The following RBM19 variants were observed in gnomAD, a reference collection of about 807,000 sequenced individuals.
The protein encoded by RBM19 is RNA binding motif protein 19.
In RBM19, 94 loss-of-function variants were observed where a neutral mutation model predicts 116.8. The ratio of observed to expected loss-of-function variants is 0.80; its 90% CI spans 0.68 to 0.95. RBM19 has a LOEUF of 0.95. RBM19 is among the 40% of genes least tolerant of loss of function. The probability of loss-of-function intolerance (pLI) is 0.00; values close to 1 mark genes in which losing one functional copy is unlikely to be tolerated. For synonymous variants in RBM19, 475 were observed against 494.1 expected (o/e 0.96, Z 0.51); for missense variants, 1,161 against 1,220.7 (o/e 0.95, Z 0.73).
chr12:113,948,977 T>C lies in RBM19; in HGVS notation c.1132A>G (p.Lys378Glu). 1 of 1,614,206 alleles carries C rather than the reference T, an allele frequency of 6.2e-7. No homozygotes were observed. The highest frequency in any genetic ancestry group is 8.5e-7 in the Non-Finnish European group (1 of 1,180,028). The change falls in exon 10 of 24, where the codon AAG (lysine) becomes GAG (glutamate). Residue 378 changes from lysine (K) to glutamate (E), a missense_variant. Transcript: ENST00000261741. ...KNVPTTKGAPKNTTKSWQGRI... is the reference protein window; with the variant it reads ...KNVPTTKGAPENTTKSWQGRI... Reference sequence around the variant, plus strand: ...CCTTGCCAGGATTTGGTGGTATTCTTTGGTGCACCCTTGGTGGTGGGGACG... The same window carrying C: ...CCTTGCCAGGATTTGGTGGTATTCTCTGGTGCACCCTTGGTGGTGGGGACG...
chr12:113,941,552 C>CCCATCCATCCATCCATCCAT (rs1197172785), intron 14 of RBM19, among the ~76,000 whole-genome samples: 18 of 151,344 alleles, frequency 1.2e-4, no homozygotes, highest in African/African-American at 2.9e-4. Flanking sequence ...CATCTATCTA[C>CCCATCCATCCATCCATCCAT]CCATCCATCC....
intron 21 of RBM19, among the ~76,000 whole-genome samples, chr12:113,892,731 T>C (rs183139619): frequency 2.6e-5 from 4 of 152,316 alleles, no homozygotes; most frequent in African/African-American, 7.2e-5. Context: ...GAAATGGGTC[T>C]TGAGTTTGAA....
rs758124511 is a variant in RBM19, at chr12:113,958,005, G to A, written c.617C>T (p.Ser206Leu). 32 of 1,613,894 alleles carry A rather than the reference G, an allele frequency of 2.0e-5. No individual in the cohort carries two copies. The highest frequency in any genetic ancestry group is 2.5e-5 in the Non-Finnish European group (30 of 1,179,974). The change falls in exon 6 of 24, where the codon TCG (serine) becomes TTG (leucine). Residue 206 changes from serine (S) to leucine (L), a missense_variant. By Grantham distance (145) the Ser-to-Leu change is moderately radical (BLOSUM62 -2). Coordinates refer to ENST00000261741, the MANE Select transcript of RBM19 (RefSeq NM_016196.4). ...CTTGGATTTCAGGTAATCCATGTCC[G>A]ACAGCTCCTTCTGCACAGCTGCCTT... ...EPKAAVQKEL[S>L]DMDYLKSKMV...
At chr12:113,958,180 C>T in intron 5 of RBM19, 130 bp from the exon 6 acceptor site, 23 of 1,472,866 alleles carry the variant, frequency 1.6e-5, no homozygotes, top group Non-Finnish European at 2.1e-5. Flanking sequence ...GGCCCCTGTG[C>T]CCAGCATCCC....
At chr12:113,962,891 G>GACTGATAT (rs1872620021) in intron 1 of RBM19, among the ~76,000 whole-genome samples, 1 of 152,180 alleles carries the variant, frequency 6.6e-6, no homozygotes, top group African/African-American at 2.4e-5. Flanking sequence ...TGTCAGGTGT[G>GACTGATAT]ACTGATATGG....
intron 22 of RBM19, among the ~76,000 whole-genome samples, chr12:113,853,259 G>A (rs2135731681): frequency 6.6e-6 from 1 of 152,344 alleles, no homozygotes; most frequent in South Asian, 2.1e-4. Flanking sequence ...TACAATGAAA[G>A]CTGTGGTTGT....
intron 2 of RBM19, 53 bp from the exon 3 acceptor site, chr12:113,960,231 G>C: frequency 6.2e-7 from 1 of 1,610,164 alleles, no homozygotes; most frequent in Non-Finnish European, 8.5e-7. Context: ...CAGGCGTTGG[G>C]TGCTGCCCTT....
chr12:113,957,731 C>A, intron 6 of RBM19, 51 bp downstream of exon 6: 1 of 1,520,944 alleles, frequency 6.6e-7, no homozygotes, highest in Non-Finnish European at 8.8e-7. Flanking sequence ...GGACCACGGG[C>A]AAGCAGGAGA....
chr12:113,881,949 C>T (rs12579950), intron 21 of RBM19, among the ~76,000 whole-genome samples: 29,873 of 152,262 alleles, frequency 0.2, 3,002 homozygotes, highest in Middle Eastern at 0.23. Context: ...GGGGTGCACA[C>T]GCACCCTGAC....
chr12:113,929,851 GA>G (rs1275833293), intron 16 of RBM19, among the ~76,000 whole-genome samples: 1 of 152,182 alleles, frequency 6.6e-6, no homozygotes, highest in Non-Finnish European at 1.5e-5. Flanking sequence ...ATCTGTACCC[GA>G]AATCTCAGGC....
intron 21 of RBM19, among the ~76,000 whole-genome samples, chr12:113,895,829 T>A (rs1242605264): frequency 2.7e-5 from 4 of 150,142 alleles, no homozygotes; most frequent in Non-Finnish European, 5.9e-5. Flanking sequence ...ACTATATATC[T>A]ATTGGATTAT....
Position 113,955,116 on chromosome 12 carries a change from T to C in RBM19, c.921+15A>G. 6.2e-7 allele frequency: 1 copy of C among 1,613,396 alleles called. No homozygotes were observed. The highest frequency in any genetic ancestry group is 8.5e-7 in the Non-Finnish European group (1 of 1,179,588). ...TCCCGCAGGCTGCCGACCCTTGTCC[T>C]CAGTTAGCACATACCTCTGTGACAT... On this transcript the variant is annotated intron_variant, in intron 7 of 23. Transcript: ENST00000261741.
intron 21 of RBM19, among the ~76,000 whole-genome samples, chr12:113,868,111 C>T (rs575089220): frequency 2.0e-5 from 3 of 152,186 alleles, no homozygotes; most frequent in Non-Finnish European, 4.4e-5. Context: ...TACTCTTATG[C>T]GTCCTCAGTA....
chr12:113,925,616 C>T (rs1042303028), intron 17 of RBM19, among the ~76,000 whole-genome samples: 4 of 152,178 alleles, frequency 2.6e-5, no homozygotes, highest in African/African-American at 4.8e-5. Context: ...CTGGGAACTA[C>T]GGGCTCTTCC....
At chr12:113,891,966 G>C (rs931681583) in intron 21 of RBM19, among the ~76,000 whole-genome samples, 1 of 152,124 alleles carries the variant, frequency 6.6e-6, no homozygotes, top group Non-Finnish European at 1.5e-5. Context: ...CATTCTGCTT[G>C]TATGTGACAA....
intron 22 of RBM19, among the ~76,000 whole-genome samples, chr12:113,846,457 C>T (rs1876981026): frequency 6.6e-6 from 1 of 152,134 alleles, no homozygotes; most frequent in African/African-American, 2.4e-5. Flanking sequence ...TCAGTCAAGA[C>T]GAGGTCATAC....
intron 16 of RBM19, among the ~76,000 whole-genome samples, chr12:113,927,940 G>A (rs891990133): frequency 6.6e-6 from 1 of 152,190 alleles, no homozygotes; most frequent in African/African-American, 2.4e-5. Context: ...TCCGAAGAAC[G>A]TTTAATGACA....
intron 9 of RBM19, 133 bp downstream of exon 9, chr12:113,949,950 G>T: frequency 1.2e-6 from 1 of 815,212 alleles, no homozygotes; most frequent in Non-Finnish European, 2.0e-6. Context: ...TGTCCCCAGT[G>T]CCTAGAACAG....
chr12:113,959,279 G>C lies in RBM19; in HGVS notation c.504C>G (p.Asp168Glu). The change falls in exon 5 of 24, where the codon GAC (aspartate) becomes GAG (glutamate). Residue 168 changes from aspartate (D) to glutamate (E), a missense_variant. Coordinates refer to ENST00000261741, the MANE Select transcript of RBM19 (RefSeq NM_016196.4). ...CAGAATCGGAGTCGAAGTTCAGGTA[G>C]TCACTGGCCGGCTTGCTCTTCCCTT... Reference protein sequence around the residue: ...PSKGKSKPASDYLNFDSDSGQ... With the variant: ...PSKGKSKPASEYLNFDSDSGQ... The C allele has an allele frequency of 6.2e-7, 1 of 1,613,954 alleles. No individual in the cohort carries two copies. Among genetic ancestry groups the C allele is most frequent in the Non-Finnish European group, 8.5e-7 (1 of 1,179,960 alleles).
Sources: gnomAD v4.1 joint callset for allele counts (sites outside exome capture counted in the v4.1 genomes callset) on GRCh38, gnomAD v4.1.1 for gene constraint, MANE v1.5 for transcripts, NCBI Gene and HGNC (gene_info 2026-07-23, HGNC 2026-07-21) for gene names.